Variants in TP53BP1 observed in about 807,000 individuals in gnomAD.
The protein encoded by TP53BP1 is TP53-binding protein 1.
A neutral mutation model predicts 200.8 loss-of-function variants in TP53BP1; 61 were observed. The ratio of observed to expected loss-of-function variants is 0.30; its 90% CI spans 0.25 to 0.38. The LOEUF (loss-of-function observed/expected upper bound fraction) is 0.38. TP53BP1 is among the 10% of genes least tolerant of loss of function. The pLI, the probability that TP53BP1 is intolerant of heterozygous loss-of-function variation, is 1.00. For missense variants in TP53BP1, 2,144 were observed against 2,371.9 expected (o/e 0.90, Z 2.00); for synonymous variants, 822 against 844.3 (o/e 0.97, Z 0.46).
intron 23 of TP53BP1, chr15:43,414,041 C>T (rs770730991): frequency 1.2e-4 from 53 of 445,322 alleles, no homozygotes; most frequent in Non-Finnish European, 2.1e-4. Context: ...AGAAAAAAAA[C>T]AGATACCTGA....
At position 43,480,928 on chromosome 15, in the gene TP53BP1, A is replaced by C; in HGVS notation, c.466T>G (p.Ser156Ala). 6.2e-7 allele frequency: 1 copy of C among 1,614,160 alleles called. No homozygotes were observed. Among genetic ancestry groups the C allele is most frequent in the Non-Finnish European group, 8.5e-7 (1 of 1,180,018 alleles). Residue 156 changes from serine to alanine, a missense_variant, in exon 5 of 28, where the codon TCA becomes GCA. By Grantham distance (99) the Ser-to-Ala change is moderately conservative. Transcript: ENST00000382044. ...CCAAGGGAATGTGTAGTATTGCCTGAAGTATCTTCTTCCTTCTCTTTCTCC... is the reference window on the plus strand; with the variant it reads ...CCAAGGGAATGTGTAGTATTGCCTGCAGTATCTTCTTCCTTCTCTTTCTCC... ...QKEKEKEEDTSGNTTHSLGAE... is the reference protein window; with the variant it reads ...QKEKEKEEDTAGNTTHSLGAE...
intron 1 of TP53BP1, 142 bp downstream of exon 1, chr15:43,492,895 A>ACCC: frequency 3.1e-6 from 1 of 319,028 alleles, no homozygotes; most frequent in East Asian, 7.4e-5. Flanking sequence ...ACGTTTCCCC[A>ACCC]CCCCCTCCTT....
At chr15:43,474,268 G>A (rs1039456114) in intron 10 of TP53BP1, among the ~76,000 whole-genome samples, 11 of 152,092 alleles carry the variant, frequency 7.2e-5, no homozygotes, top group Non-Finnish European at 1.0e-4. Context: ...CTCCCTGCAC[G>A]CCTCCCTGCA....
Position 43,491,700 on chromosome 15 carries a change from C to A in TP53BP1, c.340G>T (p.Glu114Ter). ...DTCGSISQVI[E>*]QLPQPNRTSS... ...GTCCTGTTTGGCTGAGGTAACTGCT[C>A]AATGACCTGACTGATGGAACCACAT... Residue 114 changes from glutamate to a stop codon, truncating the protein, a stop_gained, in exon 4 of 28, where the codon GAG (glutamate) becomes TAG (stop). Transcript: ENST00000382044. LOFTEE classifies it high-confidence loss of function. The A allele has an allele frequency of 6.2e-7, 1 of 1,614,026 alleles. No homozygotes were observed. The highest frequency in any genetic ancestry group is 1.1e-5 in the South Asian group (1 of 91,052).
chr15:43,412,639 C>A, intron 24 of TP53BP1: 1 of 470,752 alleles, frequency 2.1e-6, no homozygotes, highest in Non-Finnish European at 4.4e-6. Flanking sequence ...ACCCCACAGT[C>A]CCAGTCTTAG....
chr15:43,418,343 CA>C (rs1297266005), intron 21 of TP53BP1, among the ~76,000 whole-genome samples: 2 of 146,410 alleles, frequency 1.4e-5, no homozygotes, highest in African/African-American at 5.0e-5. Context: ...ACGAAAAACA[CA>C]AAAAAAAATT....
intron 13 of TP53BP1, 177 bp from the exon 14 acceptor site, chr15:43,446,767 T>C (rs1366661455): frequency 3.3e-6 from 5 of 1,510,964 alleles, no homozygotes; most frequent in Non-Finnish European, 3.5e-6. Flanking sequence ...TATTGACACC[T>C]GGTCTTAAGA....
chr15:43,503,616 G>A (rs1473403605), intron 1 of TP53BP1, among the ~76,000 whole-genome samples: 1 of 151,746 alleles, frequency 6.6e-6, no homozygotes, highest in African/African-American at 2.4e-5. Flanking sequence ...CAGAGATGAC[G>A]CCACTACACT....
rs2078938566 is a variant in TP53BP1, at chr15:43,479,929, G to C, written c.588C>G (p.Asp196Glu). ...VEENTVPYEV[D>E]KEQLQSVTTN... ...TGGTTACTGATTGTAGCTGCTCTTT[G>C]TCCACTTCATATGGCACAGTATTTT... The change falls in exon 6 of 28, where the codon GAC becomes GAG. Residue 196 changes from aspartate to glutamate, a missense_variant. Asp to Glu is a conservative substitution (Grantham distance 45, BLOSUM62 2). Coordinates refer to ENST00000382044, the MANE Select transcript of TP53BP1 (RefSeq NM_001141980.3). 3.1e-6 allele frequency: 5 copies of C among 1,614,132 alleles called. No homozygotes were observed. The highest frequency in any genetic ancestry group is 4.2e-6 in the Non-Finnish European group (5 of 1,180,028).
At chr15:43,414,305 A>C (rs549844708) in intron 23 of TP53BP1, among the ~76,000 whole-genome samples, 14 of 152,346 alleles carry the variant, frequency 9.2e-5, no homozygotes, top group Admixed American at 8.5e-4. Context: ...CCTATACTTC[A>C]TAAGGATTGT....
intron 4 of TP53BP1, among the ~76,000 whole-genome samples, chr15:43,490,879 C>G (rs562442913): frequency 6.6e-6 from 1 of 152,248 alleles, no homozygotes; most frequent in Non-Finnish European, 1.5e-5. Context: ...TAACATTATA[C>G]TATATGCCAA....
chr15:43,428,071 A>G lies in TP53BP1; in HGVS notation c.3773T>C (p.Val1258Ala). 6.2e-7 allele frequency: 1 copy of G among 1,613,102 alleles called. No homozygotes were observed. Among genetic ancestry groups the G allele is most frequent in the South Asian group, 1.1e-5 (1 of 91,044 alleles). Residue 1258 changes from valine to alanine, a missense_variant, in exon 18 of 28, where the codon GTC becomes GCC. This residue lies in a region of TP53BP1 where 1,700 missense variants were observed against 1,710.3 expected (regional missense o/e 0.99). Transcript: ENST00000382044. The stretch of plus-strand genomic sequence containing the variant: ...ATCCACATAATACACATCTGTAATG[A>G]CACGAGTGACAAGTGTGCGTACTTC... Reference protein sequence around the residue: ...IREVRTLVTRVITDVYYVDGT... With the variant: ...IREVRTLVTRAITDVYYVDGT...
intron 24 of TP53BP1, among the ~76,000 whole-genome samples, chr15:43,409,969 A>T (rs2045062211): frequency 6.6e-6 from 1 of 152,150 alleles, no homozygotes; most frequent in Admixed American, 6.5e-5. Flanking sequence ...TGAGGACTGG[A>T]GGTAGGTCCT....
chr15:43,416,397 C>T lies in TP53BP1; in HGVS notation c.4701G>A (p.Arg1567=), dbSNP rs959691007. 3.1e-6 allele frequency: 5 copies of T among 1,613,976 alleles called. No homozygotes were observed. The highest frequency in any genetic ancestry group is 3.3e-5 in the Admixed American group (2 of 60,002). ...YFSAGVVKGH[R]KESGELYYSI... is the part of the protein sequence containing the mutation. ...TGTAGTACAGTTCCCCAGACTCCTT[C>T]CTATGTCCTTTCACCACTCCTGGGG... The change falls in exon 22 of 28, where the codon AGG becomes AGA. Residue 1567 remains arginine, a synonymous_variant. Coordinates refer to ENST00000382044, the MANE Select transcript of TP53BP1 (RefSeq NM_001141980.3).
intron 21 of TP53BP1, among the ~76,000 whole-genome samples, chr15:43,418,561 A>C (rs1376156232): frequency 6.6e-6 from 1 of 152,066 alleles, no homozygotes; most frequent in African/African-American, 2.4e-5. Flanking sequence ...ATGCCAATCC[A>C]TGTTCAAAAA....
At chr15:43,502,626 T>C (rs551167023) in intron 1 of TP53BP1, among the ~76,000 whole-genome samples, 1 of 151,850 alleles carries the variant, frequency 6.6e-6, no homozygotes, top group Admixed American at 6.6e-5. Context: ...TATTTTTTTT[T>C]TTTTTGTATT....
At chr15:43,497,834 A>G (rs1289291578), upstream of TP53BP1, among the ~76,000 whole-genome samples, 1 of 152,230 alleles carries the variant, frequency 6.6e-6, no homozygotes, top group Non-Finnish European at 1.5e-5. Flanking sequence ...ATGTAAATGT[A>G]CTTAATGCCA....
At chr15:43,468,843 A>G (rs985166962) in intron 11 of TP53BP1, among the ~76,000 whole-genome samples, 1 of 152,150 alleles carries the variant, frequency 6.6e-6, no homozygotes, top group Admixed American at 6.5e-5. Context: ...GGAAGTTCTG[A>G]CTCTAGAGTC....
chr15:43,438,354 C>A lies in TP53BP1; in HGVS notation c.3161G>T (p.Arg1054Leu), dbSNP rs200776719. 9.9e-6 allele frequency: 16 copies of A among 1,613,656 alleles called. No homozygotes were observed. The highest frequency in any genetic ancestry group is 1.3e-5 in the Non-Finnish European group (15 of 1,179,896). Residue 1054 changes from arginine (R) to leucine (L), a missense_variant, in exon 16 of 28, where the codon CGA becomes CTA. Transcript: ENST00000382044. ...ICEARQENEARSEDPPTTPIR... is the reference protein window; with the variant it reads ...ICEARQENEALSEDPPTTPIR... ...GGGTGTGGTGGGGGGATCCTCACTT[C>A]GAGCCTCATTCTCTTGCCTGGCTTC...
Sources: gnomAD v4.1 joint callset for allele counts (sites outside exome capture counted in the v4.1 genomes callset) on GRCh38, gnomAD v4.1.1 for gene constraint, gnomAD v4.1.1 regional missense constraint, MANE v1.5 for transcripts, NCBI Gene and HGNC (gene_info 2026-07-23, HGNC 2026-07-21) for gene names.